Variants in RALGPS1 observed in about 807,000 individuals in gnomAD.
RALGPS1 encodes ras-specific guanine nucleotide-releasing factor RalGPS1.
Under a neutral mutation model 78.8 loss-of-function variants are expected in RALGPS1, and 19 were observed. The ratio of observed to expected loss-of-function variants is 0.24; its 90% CI spans 0.17 to 0.35. The LOEUF (loss-of-function observed/expected upper bound fraction) is 0.35, where lower values mean the gene tolerates loss of function less well. Ranked by LOEUF, RALGPS1 falls within the 10% of genes least tolerant of loss-of-function variation. The pLI is 1.00. For synonymous variants in RALGPS1, 228 were observed against 256.3 expected (o/e 0.89, Z 1.06); for missense variants, 454 against 688.3 (o/e 0.66, Z 3.81).
At chr9:127,134,098 G>A (rs749268938) in intron 8 of RALGPS1, among the ~76,000 whole-genome samples, 1 of 152,090 alleles carries the variant, frequency 6.6e-6, no homozygotes, top group Non-Finnish European at 1.5e-5. Context: ...GCTGCAGCAG[G>A]CGCCGGGAGA....
chr9:127,135,953 T>G (rs2057365751), intron 8 of RALGPS1, among the ~76,000 whole-genome samples: 1 of 152,344 alleles, frequency 6.6e-6, no homozygotes, highest in Middle Eastern at 3.4e-3. Context: ...TTACAGAATC[T>G]GGCCCAGATT....
intron 8 of RALGPS1, among the ~76,000 whole-genome samples, chr9:127,099,548 C>A (rs942633533): frequency 6.6e-6 from 1 of 152,152 alleles, no homozygotes; most frequent in Non-Finnish European, 1.5e-5. Flanking sequence ...TCACTGGGCA[C>A]CCCATGAGGG....
At chr9:126,924,798 G>A (rs1043100807) in intron 1 of RALGPS1, among the ~76,000 whole-genome samples, 9 of 152,228 alleles carry the variant, frequency 5.9e-5, no homozygotes, top group Non-Finnish European at 1.0e-4. Flanking sequence ...TCTACTGAGT[G>A]CCAGTGCTAT....
In RALGPS1 at chr9:127,120,572, C is replaced by A. The variant is rs1011661201; in HGVS notation, c.611-45497C>A. ...GGTGCAGTGGCTCACGCCTGCAATC[C>A]CAGCACTTCGGGAGGCCGAGGTGGG... On this transcript the variant is annotated intron_variant, in intron 8 of 18. Coordinates refer to ENST00000259351, the MANE Select transcript of RALGPS1 (RefSeq NM_014636.3). Among the ~76,000 whole-genome samples the A allele has an allele frequency of 3.3e-5, 5 of 152,190 alleles. No homozygotes were observed. The South Asian group carries it at 1.0e-3, about 31-fold the overall frequency.
intron 8 of RALGPS1, among the ~76,000 whole-genome samples, chr9:127,109,142 G>T (rs558484360): frequency 6.6e-6 from 1 of 152,236 alleles, no homozygotes; most frequent in South Asian, 2.1e-4. Context: ...GAGGCAGAGG[G>T]AGGGTTTTCT....
At chr9:127,054,692 TCCAGGCCAGGTGCAGTG>T (rs1347819038) in intron 7 of RALGPS1, among the ~76,000 whole-genome samples, 1 of 152,052 alleles carries the variant, frequency 6.6e-6, no homozygotes, top group East Asian at 1.9e-4. Flanking sequence ...AAAATAAACC[TCCAGGCCAGGTGCAGTG>T]ACTCACTCCT....
chr9:127,168,212 C>T (rs540097459), intron 9 of RALGPS1, among the ~76,000 whole-genome samples: 2 of 152,370 alleles, frequency 1.3e-5, no homozygotes, highest in Admixed American at 1.3e-4. Context: ...TAGGCCTCCA[C>T]ACCTGGCTGG....
At chr9:126,937,177 C>A (rs559078624) in intron 1 of RALGPS1, among the ~76,000 whole-genome samples, 39 of 152,218 alleles carry the variant, frequency 2.6e-4, no homozygotes, top group Middle Eastern at 6.8e-3. Context: ...GTAGTTTAAT[C>A]TCAATGGATT....
At position 126,952,328 on chromosome 9, in the gene RALGPS1, G is replaced by A. The variant is rs1364232803; in HGVS notation, c.-65-9897G>A. Among the ~76,000 whole-genome samples the A allele has an allele frequency of 5.9e-5, 9 of 152,178 alleles. 1 individual carries two copies. The highest frequency in any genetic ancestry group is 4.4e-5 in the Non-Finnish European group (3 of 68,040). On this transcript the variant is annotated intron_variant, in intron 1 of 18. Coordinates refer to ENST00000259351, the MANE Select transcript of RALGPS1 (RefSeq NM_014636.3). ...GGCCAGAGGTTGGATGCTGAGTGGTGTAGTTTGAAAGAAGTTGAGGAGGGA... is the reference window on the plus strand; with the variant it reads ...GGCCAGAGGTTGGATGCTGAGTGGTATAGTTTGAAAGAAGTTGAGGAGGGA...
chr9:127,161,603 G>T (rs771749095), intron 8 of RALGPS1, among the ~76,000 whole-genome samples: 2 of 152,200 alleles, frequency 1.3e-5, no homozygotes, highest in Non-Finnish European at 2.9e-5. Flanking sequence ...CATGAGGGAG[G>T]TGGAGAGTAG....
chr9:127,006,798 CT>C (rs1267407178), intron 4 of RALGPS1, among the ~76,000 whole-genome samples: 10 of 152,114 alleles, frequency 6.6e-5, no homozygotes, highest in African/African-American at 2.2e-4. Flanking sequence ...GTCCACACCC[CT>C]GGTAACTGCT....
At position 127,191,818 on chromosome 9, in the gene RALGPS1, C is replaced by T. The variant is rs182826113; in HGVS notation, c.911-3273C>T. On this transcript the variant is annotated intron_variant, in intron 11 of 18. Coordinates refer to ENST00000259351, the MANE Select transcript of RALGPS1 (RefSeq NM_014636.3). ...GTTCACGCCATTCTCCTGCCTCAGC[C>T]TCCCGAGTAGCTGGGACTACAGGCA... Among the ~76,000 whole-genome samples, 731 of 151,930 alleles carry T rather than the reference C, an allele frequency of 4.8e-3. 3 individuals are homozygous for T. The highest frequency in any genetic ancestry group is 7.7e-3 in the Non-Finnish European group (522 of 67,958).
chr9:127,095,111 T>A (rs1181337499), intron 8 of RALGPS1, among the ~76,000 whole-genome samples: 1 of 152,190 alleles, frequency 6.6e-6, no homozygotes, highest in Non-Finnish European at 1.5e-5. Context: ...AAAATATTCC[T>A]CATAGGGCCG....
intron 8 of RALGPS1, among the ~76,000 whole-genome samples, chr9:127,141,114 C>T (rs577169188): frequency 2.0e-5 from 3 of 152,226 alleles, no homozygotes; most frequent in African/African-American, 7.2e-5. Flanking sequence ...GTGGAGATTT[C>T]CTCCAGCAGC....
At chr9:127,064,931 T>G (rs1394789688) in intron 7 of RALGPS1, among the ~76,000 whole-genome samples, 2 of 152,028 alleles carry the variant, frequency 1.3e-5, no homozygotes, top group Non-Finnish European at 2.9e-5. Context: ...TGTTTTGGTT[T>G]GTTTGGTTTT....
chr9:127,185,094 G>A (rs1341261016), intron 11 of RALGPS1, among the ~76,000 whole-genome samples: 2 of 152,084 alleles, frequency 1.3e-5, no homozygotes, highest in East Asian at 1.9e-4. Context: ...CCCAGAACCT[G>A]ACAGTACCAG....
Position 127,220,552 on chromosome 9 carries a change from G to A in RALGPS1, c.*1783G>A, listed in dbSNP as rs1484310239. 6.6e-6 allele frequency: 1 copy of A among 152,268 alleles called. No individual in the cohort carries two copies. Among genetic ancestry groups the A allele is most frequent in the South Asian group, 2.1e-4 (1 of 4,828 alleles). The allele number at this position is 152,268 out of a possible 1,614,324, so 9.4% of individuals were successfully genotyped here. A position where few individuals can be genotyped will look rare whatever the true frequency, so the allele number is the denominator to read the frequency against. On this transcript the variant is annotated 3_prime_UTR_variant, in exon 19 of 19. Transcript: ENST00000259351. Reference sequence around the variant, plus strand: ...TGATGCCATCAAACCTTGACACCGGGTGCTCTGCACACCCACGCGGATGTT... The same window carrying A: ...TGATGCCATCAAACCTTGACACCGGATGCTCTGCACACCCACGCGGATGTT...
intron 8 of RALGPS1, among the ~76,000 whole-genome samples, chr9:127,083,342 T>C (rs2051370410): frequency 6.6e-6 from 1 of 152,150 alleles, no homozygotes; most frequent in African/African-American, 2.4e-5. Context: ...CATTGGAACA[T>C]AGATATGCTG....
chr9:127,140,812 G>C (rs1203816326), intron 8 of RALGPS1, among the ~76,000 whole-genome samples: 3 of 152,230 alleles, frequency 2.0e-5, no homozygotes, highest in Non-Finnish European at 4.4e-5. Flanking sequence ...GTCCACGCTG[G>C]AAGAGACTTG....
Sources: gnomAD v4.1 joint callset for allele counts (sites outside exome capture counted in the v4.1 genomes callset) on GRCh38, gnomAD v4.1.1 for gene constraint, MANE v1.5 for transcripts, NCBI Gene and HGNC (gene_info 2026-07-23, HGNC 2026-07-21) for gene names.